Variants in OSBPL5 observed in about 807,000 individuals in gnomAD.
The protein encoded by OSBPL5 is oxysterol binding protein like 5, also known as oxysterol-binding protein-related protein 5.
Under a neutral mutation model 111.2 loss-of-function variants are expected in OSBPL5, and 71 were observed. The ratio of observed to expected loss-of-function variants is 0.64; its 90% CI spans 0.53 to 0.78. The LOEUF is 0.78. Ranked by LOEUF, OSBPL5 falls within the 30% of genes least tolerant of loss-of-function variation. The pLI is 0.00. For missense variants in OSBPL5, 1,210 were observed against 1,189.3 expected (o/e 1.02, Z -0.26); for synonymous variants, 549 against 513.9 (o/e 1.07, Z -0.93).
Position 3,114,683 on chromosome 11 carries a change from C to T in OSBPL5, c.691+4864G>A, listed in dbSNP as rs538993463. Among the ~76,000 whole-genome samples, 47 of 146,116 alleles carry T rather than the reference C, an allele frequency of 3.2e-4. 1 individual carries two copies. The highest frequency in any genetic ancestry group is 1.2e-3 in the African/African-American group (45 of 38,864). Reference sequence around the variant, plus strand: ...GCGTGATCTTGGCTCACTGCAAGCTCCACCTCCTGGGTTCACGCCATTCTC... The same window carrying T: ...GCGTGATCTTGGCTCACTGCAAGCTTCACCTCCTGGGTTCACGCCATTCTC... On this transcript the variant is annotated intron_variant, in intron 7 of 21. Transcript: ENST00000263650.
intron 7 of OSBPL5, among the ~76,000 whole-genome samples, chr11:3,112,703 A>G (rs892165052): frequency 6.6e-6 from 1 of 152,172 alleles, no homozygotes; most frequent in African/African-American, 2.4e-5. Flanking sequence ...GTTAAATGAT[A>G]GGTAGTCCCT....
rs778874744 is a variant in OSBPL5, at chr11:3,092,500, G to A, written c.2191C>T (p.Arg731Trp). 11 of 1,579,506 alleles carry A rather than the reference G, an allele frequency of 7.0e-6. No homozygotes were observed. Among genetic ancestry groups the A allele is most frequent in the Admixed American group, 5.5e-5 (3 of 55,016 alleles). The change falls in exon 19 of 22, where the codon CGG becomes TGG. Residue 731 changes from arginine (R) to tryptophan (W), a missense_variant. By Grantham distance (101) the Arg-to-Trp change is moderately radical. Coordinates refer to ENST00000263650, the MANE Select transcript of OSBPL5 (RefSeq NM_020896.4). The surrounding 1 kb of genome is among the most constrained non-coding windows in gnomAD (Gnocchi z 5.4). ...GCCACGGCCTCCTGCTGCAAGGTCC[G>A]CAGGATCCCGTCTTGCTCAAACTGG... Reference protein sequence around the residue: ...IAQFEQDGILRTLQQEAVARQ... With the variant: ...IAQFEQDGILWTLQQEAVARQ...
chr11:3,112,075 A>G (rs866111211), intron 7 of OSBPL5, among the ~76,000 whole-genome samples: 86 of 137,074 alleles, frequency 6.3e-4, no homozygotes, highest in African/African-American at 1.4e-3. Flanking sequence ...GTGTGTGTGC[A>G]TGTGTGTGTG....
chr11:3,153,395 T>C (rs1012386556), intron 1 of OSBPL5, among the ~76,000 whole-genome samples: 11 of 152,210 alleles, frequency 7.2e-5, no homozygotes, highest in Non-Finnish European at 1.6e-4. Context: ...TTTTGGGATA[T>C]GCACGGAACA....
intron 14 of OSBPL5, among the ~76,000 whole-genome samples, chr11:3,095,849 T>C (rs1193702182): frequency 1.3e-5 from 2 of 152,148 alleles, no homozygotes; most frequent in Non-Finnish European, 2.9e-5. Flanking sequence ...GCCTTTTACA[T>C]GAATGGATCC....
At chr11:3,123,035 T>G (rs1160540851) in intron 3 of OSBPL5, among the ~76,000 whole-genome samples, 1 of 152,178 alleles carries the variant, frequency 6.6e-6, no homozygotes, top group Non-Finnish European at 1.5e-5. Flanking sequence ...GCCAATGTAC[T>G]GGTGGGGGGT....
rs1407527686 is a variant in OSBPL5, at chr11:3,165,246, G to A, written c.-52C>T. On this transcript the variant is annotated 5_prime_UTR_variant, in exon 1 of 22. Transcript: ENST00000263650. This position sits in a 1 kb window ranked among gnomAD's most constrained non-coding sequence, Gnocchi z 7.4. The stretch of plus-strand genomic sequence containing the variant: ...ACCGTGCCGCGAGCTCGGTGCTCCG[G>A]GCCGGCCGGGCGCGCGGGGGCTCCA... 2.6e-5 allele frequency: 4 copies of A among 151,126 alleles called. No individual in the cohort carries two copies. The highest frequency in any genetic ancestry group is 7.3e-5 in the African/African-American group (3 of 41,302). The allele number at this position is 151,126 out of a possible 1,614,324, so 9.4% of individuals were successfully genotyped here. A position where few individuals can be genotyped will look rare whatever the true frequency, so the allele number is the denominator to read the frequency against.
rs1241287926 is a variant in OSBPL5 at position 3,161,271 on chromosome 11, C to T, written c.-22+3945G>A. ...GTTAAGTCCATCTGCATTCACCAAA[C>T]ACACTATTAGGCATCCCGAGGAGGT... On this transcript the variant is annotated intron_variant, in intron 1 of 21. Transcript: ENST00000263650. The surrounding 1 kb of genome is among the most constrained non-coding windows in gnomAD (Gnocchi z 8.0). 2 of 152,254 alleles carry T rather than the reference C, an allele frequency of 1.3e-5. No individual in the cohort carries two copies. The highest frequency in any genetic ancestry group is 1.3e-4 in the Admixed American group (2 of 15,292). The allele number at this position is 152,254 out of a possible 1,614,324, so 9.4% of individuals were successfully genotyped here.
rs1395709721 is a variant in OSBPL5, at chr11:3,088,113, C to G, written c.*92G>C. On this transcript the variant is annotated 3_prime_UTR_variant, in exon 22 of 22. Coordinates refer to ENST00000263650, the MANE Select transcript of OSBPL5 (RefSeq NM_020896.4). ...TCCCCGTCACAGTGGCTGTGCTTGCCGGGCCTCTCTGCCTCCATGGAGCAG... is the reference window on the plus strand; with the variant it reads ...TCCCCGTCACAGTGGCTGTGCTTGCGGGGCCTCTCTGCCTCCATGGAGCAG... 8.0e-7 allele frequency: 1 copy of G among 1,251,948 alleles called. No individual in the cohort carries two copies. The highest frequency in any genetic ancestry group is 2.7e-5 in the East Asian group (1 of 36,934). The allele number at this position is 1,251,948 out of a possible 1,614,324, so 77.6% of individuals were successfully genotyped here.
intron 7 of OSBPL5, among the ~76,000 whole-genome samples, chr11:3,116,714 G>A (rs1258980603): frequency 1.3e-5 from 2 of 152,122 alleles, no homozygotes; most frequent in Non-Finnish European, 2.9e-5. Context: ...AATTAGCTGG[G>A]TGTGGTGGCG....
At chr11:3,151,763 G>A (rs1301029495) in intron 1 of OSBPL5, among the ~76,000 whole-genome samples, 1 of 152,238 alleles carries the variant, frequency 6.6e-6, no homozygotes, top group Admixed American at 6.5e-5. Flanking sequence ...CGTGGGAAGG[G>A]GTCTCCAGGC....
intron 7 of OSBPL5, among the ~76,000 whole-genome samples, chr11:3,118,621 G>T (rs1262637866): frequency 1.4e-5 from 2 of 147,814 alleles, no homozygotes; most frequent in Non-Finnish European, 3.0e-5. Flanking sequence ...ACCCAGGCTG[G>T]AGTGCAGTGG....
At chr11:3,094,162 G>A in intron 15 of OSBPL5, 75 bp downstream of exon 15, 11 of 1,408,878 alleles carry the variant, frequency 7.8e-6, no homozygotes, top group Admixed American at 1.9e-5. Flanking sequence ...TGGGGCCTGG[G>A]GAGAGTGTGA....
intron 1 of OSBPL5, among the ~76,000 whole-genome samples, chr11:3,131,856 A>ACCATTCATCCATCCTCCTGT (rs1845810030): frequency 2.4e-5 from 1 of 41,700 alleles, no homozygotes; most frequent in Non-Finnish European, 5.0e-5. Flanking sequence ...CACCCACCAA[A>ACCATTCATCCATCCTCCTGT]CCATCCATCC....
rs776092129 is a variant in OSBPL5, at chr11:3,093,620, G to A, written c.1853C>T (p.Ala618Val). 31 of 1,612,936 alleles carry A rather than the reference G, an allele frequency of 1.9e-5. No individual in the cohort carries two copies. Among genetic ancestry groups the A allele is most frequent in the East Asian group, 1.6e-4 (7 of 44,886 alleles). The change falls in exon 17 of 22, where the codon GCG becomes GTG. Residue 618 changes from alanine (A) to valine (V), a missense_variant. Coordinates refer to ENST00000263650, the MANE Select transcript of OSBPL5 (RefSeq NM_020896.4). ...CTCCCCGCTCGGGGTCCAGAAAAGC[G>A]CACTGCTTCCGCTCCCTTCCTCCTT... The part of the protein sequence containing the change: ...FIKEEGSGSS[A>V]LFWTPSGEVR...
At position 3,105,941 on chromosome 11, in the gene OSBPL5, C is replaced by A. The variant is rs1046205006; in HGVS notation, c.1059+1322G>T. On this transcript the variant is annotated intron_variant, in intron 9 of 21. Transcript: ENST00000263650. This position sits in a 1 kb window ranked among gnomAD's most constrained non-coding sequence, Gnocchi z 5.2. ...CCATCACAGCTGGGTCCAGGGTGTC[C>A]TCAGCTTTCTCCTAACAATGGGTCT... is the stretch of plus-strand genomic sequence containing the variant. Among the ~76,000 whole-genome samples, 2 of 152,208 alleles carry A rather than the reference C, an allele frequency of 1.3e-5. No homozygotes were observed. The highest frequency in any genetic ancestry group is 4.8e-5 in the African/African-American group (2 of 41,448).
Position 3,104,637 on chromosome 11 carries a change from C to CCA in OSBPL5, c.1060-262_1060-261dup, listed in dbSNP as rs751785056. On this transcript the variant is annotated intron_variant, in intron 9 of 21. Transcript: ENST00000263650. This position sits in a 1 kb window ranked among gnomAD's most constrained non-coding sequence, Gnocchi z 5.0. ...TGTCTCTGCTCCTTGCCCAGGGACC[C>CCA]CATGCCCTGCCCTCCTCAAAGTCCA... Among the ~76,000 whole-genome samples, 108 of 152,230 alleles carry CCA rather than the reference C, an allele frequency of 7.1e-4. 1 individual carries two copies. Among genetic ancestry groups the CCA allele is most frequent in the South Asian group, 1.4e-3 (7 of 4,832 alleles).
Position 3,142,705 on chromosome 11 carries a change from C to G in OSBPL5, c.-21-13536G>C, listed in dbSNP as rs530356869. ...CCCACTCAGGTGGAGACCTGTCCCT[C>G]TGTCTCCGTGTCCGCGGGGCCCGGC... On this transcript the variant is annotated intron_variant, in intron 1 of 21. Transcript: ENST00000263650. The surrounding 1 kb of genome is among the most constrained non-coding windows in gnomAD (Gnocchi z 7.1). Among the ~76,000 whole-genome samples, 1 of 152,276 alleles carries G rather than the reference C, an allele frequency of 6.6e-6. No homozygotes were observed. The highest frequency in any genetic ancestry group is 2.4e-5 in the African/African-American group (1 of 41,556).
In OSBPL5 at chr11:3,110,135, T is replaced by A. The variant is rs1485765267; in HGVS notation, c.692-2190A>T. ...TGTGGCATCTGACCACCAGGGGTGA[T>A]GTGGCACCGAGACTCCAACCTGAGA... On this transcript the variant is annotated intron_variant, in intron 7 of 21. Coordinates refer to ENST00000263650, the MANE Select transcript of OSBPL5 (RefSeq NM_020896.4). This position sits in a 1 kb window ranked among gnomAD's most constrained non-coding sequence, Gnocchi z 5.3. Among the ~76,000 whole-genome samples the A allele has an allele frequency of 6.6e-6, 1 of 152,074 alleles. No homozygotes were observed. The highest frequency in any genetic ancestry group is 1.9e-4 in the East Asian group (1 of 5,172).
Sources: allele counts gnomAD v4.1 joint callset (sites outside exome capture counted in the v4.1 genomes callset), GRCh38; gene constraint gnomAD v4.1.1; non-coding constraint Gnocchi (gnomAD v3.1); transcripts MANE v1.5; gene names NCBI Gene and HGNC (gene_info 2026-07-23, HGNC 2026-07-21).